SEC31B: variants seen among roughly 807,000 people sequenced by gnomAD.
SEC31B encodes SEC31 homolog B, COPII component.
SEC31B carries 113 observed loss-of-function variants against 135.0 expected under a neutral mutation model. The observed-to-expected ratio is 0.84, with a 90% confidence interval of 0.72 to 0.98. The LOEUF (loss-of-function observed/expected upper bound fraction) is 0.98. Among genes scored for constraint, SEC31B ranks in the 50% least tolerant of loss-of-function variants. The pLI, the probability that SEC31B is intolerant of heterozygous loss-of-function variation, is 0.00. For missense variants in SEC31B, 1,296 were observed against 1,421.1 expected (o/e 0.91, Z 1.42); for synonymous variants, 508 against 549.4 (o/e 0.92, Z 1.05).
intron 24 of SEC31B, 150 bp downstream of exon 24, chr10:100,488,708 C>A: frequency 8.9e-7 from 1 of 1,118,954 alleles, no homozygotes; most frequent in Non-Finnish European, 1.2e-6. Context: ...CTCTCCCCAG[C>A]TCCACATGGA....
intron 16 of SEC31B, 82 bp from the exon 17 acceptor site, chr10:100,497,362 C>T: frequency 6.3e-7 from 1 of 1,576,892 alleles, no homozygotes; most frequent in Non-Finnish European, 8.6e-7. Flanking sequence ...GGGAGAGGAC[C>T]ATGAGCCTGG....
intron 1 of SEC31B, 130 bp from the exon 2 acceptor site, chr10:100,517,127 T>C: frequency 3.4e-6 from 2 of 596,788 alleles, no homozygotes; most frequent in South Asian, 2.0e-5. Context: ...TACATGACCA[T>C]CTGCAGATCT....
chr10:100,499,189 T>A lies in SEC31B; in HGVS notation c.1555A>T (p.Ser519Cys). Residue 519 changes from serine to cysteine, a missense_variant, in exon 13 of 26, where the codon AGT becomes TGT. By Grantham distance (112) the Ser-to-Cys change is moderately radical (BLOSUM62 -1). Transcript: ENST00000370345. ...CTGCAGAAGGCCTGTTGTCTGTCACTGTTGAGGTCATTTCCCTTGGGCTGA... is the reference window on the plus strand; with the variant it reads ...CTGCAGAAGGCCTGTTGTCTGTCACAGTTGAGGTCATTTCCCTTGGGCTGA... Reference protein sequence around the residue: ...SPQPKGNDLNSDRQQAFCSQA... With the variant: ...SPQPKGNDLNCDRQQAFCSQA... 6.2e-7 allele frequency: 1 copy of A among 1,614,112 alleles called. No homozygotes were observed. Among genetic ancestry groups the A allele is most frequent in the East Asian group, 2.2e-5 (1 of 44,884 alleles).
At chr10:100,491,229 G>A (rs1003619462) in intron 19 of SEC31B, among the ~76,000 whole-genome samples, 8 of 152,070 alleles carry the variant, frequency 5.3e-5, no homozygotes, top group Non-Finnish European at 1.2e-4. Flanking sequence ...AGAAGATCTG[G>A]ATAGTCCTAT....
intron 9 of SEC31B, 81 bp downstream of exon 9, chr10:100,505,959 C>T (rs1015653389): frequency 1.3e-5 from 20 of 1,589,290 alleles, no homozygotes; most frequent in Non-Finnish European, 1.7e-5. Flanking sequence ...TCCAATATCT[C>T]CGCTTCTCAA....
chr10:100,503,456 G>A (rs1032943726), intron 10 of SEC31B, among the ~76,000 whole-genome samples: 1 of 148,612 alleles, frequency 6.7e-6, no homozygotes. Flanking sequence ...TTTTTGAGAT[G>A]GAGTTTTGTT....
intron 19 of SEC31B, among the ~76,000 whole-genome samples, chr10:100,493,095 C>A (rs1043429857): frequency 2.0e-5 from 3 of 152,192 alleles, no homozygotes; most frequent in Non-Finnish European, 4.4e-5. Flanking sequence ...AAACTGGGGC[C>A]GGGCGCGGTG....
chr10:100,504,256 C>T (rs922214431), intron 10 of SEC31B, among the ~76,000 whole-genome samples: 6 of 152,206 alleles, frequency 3.9e-5, no homozygotes, highest in Non-Finnish European at 8.8e-5. Flanking sequence ...TTTTTAAGCT[C>T]ACAGCCTATT....
At chr10:100,506,273 C>A in intron 8 of SEC31B, 48 bp downstream of exon 8, 1 of 1,614,128 alleles carries the variant, frequency 6.2e-7, no homozygotes, top group Non-Finnish European at 8.5e-7. Context: ...TGAGATTCTT[C>A]TACCCTCTCT....
At chr10:100,505,814 A>G (rs1056115954) in intron 9 of SEC31B, 8 of 1,454,642 alleles carry the variant, frequency 5.5e-6, no homozygotes, top group Non-Finnish European at 7.2e-6. Context: ...CTGAAATACT[A>G]CAGGGCCCAT....
chr10:100,517,476 C>T (rs912201834), intron 1 of SEC31B, among the ~76,000 whole-genome samples: 1 of 152,342 alleles, frequency 6.6e-6, no homozygotes, highest in African/African-American at 2.4e-5. Flanking sequence ...ATTCTCCTGC[C>T]TCAGCCTCCC....
In SEC31B at chr10:100,490,202, C is replaced by A; in HGVS notation, c.2771G>T (p.Arg924Leu). ...PLPMACPGIM[R>L]PGSTSLPETP... The stretch of plus-strand genomic sequence containing the variant: ...CTCAGGCAGGGAGGTAGAGCCAGGT[C>A]GCATGATGCCTGGGCATGCCATGGG... Residue 924 changes from arginine (R) to leucine (L), a missense_variant, in exon 21 of 26, where the codon CGA (arginine) becomes CTA (leucine). Arg to Leu is a moderately radical substitution (Grantham distance 102). Coordinates refer to ENST00000370345, the MANE Select transcript of SEC31B (RefSeq NM_015490.4). The A allele has an allele frequency of 1.2e-6, 2 of 1,610,344 alleles. No homozygotes were observed. The highest frequency in any genetic ancestry group is 1.7e-6 in the Non-Finnish European group (2 of 1,178,352).
intron 1 of SEC31B, among the ~76,000 whole-genome samples, chr10:100,519,080 T>A (rs1851900484): frequency 6.6e-6 from 1 of 152,238 alleles, no homozygotes; most frequent in African/African-American, 2.4e-5. Flanking sequence ...TATCCCCATT[T>A]TCTAGAGATG....
At chr10:100,488,258 G>A (rs536344894) in intron 24 of SEC31B, among the ~76,000 whole-genome samples, 160 bp from the exon 25 acceptor site, 1 of 152,100 alleles carries the variant, frequency 6.6e-6, no homozygotes, top group Admixed American at 6.5e-5. Flanking sequence ...AGGAGATGGA[G>A]ACCATCCTGG....
rs1404397278 is a variant in SEC31B at position 100,516,205 on chromosome 10, G to A, written c.94C>T (p.Gln32Ter). 2.5e-6 allele frequency: 4 copies of A among 1,613,668 alleles called. No homozygotes were observed. The highest frequency in any genetic ancestry group is 3.4e-6 in the Non-Finnish European group (4 of 1,179,892). The change falls in exon 3 of 26, where the codon CAG becomes TAG. Residue 32 changes from glutamine (Q) to a stop codon, truncating the protein, a stop_gained. Coordinates refer to ENST00000370345, the MANE Select transcript of SEC31B (RefSeq NM_015490.4). LOFTEE classifies it high-confidence loss of function. ...TTTGTGCTGAAGGAGGAATCTAGCT[G>A]TTGGGCAGATGTTCCTAGGCACAAG... ...LYLATGTSAQ[Q>*]LDSSFSTNGT...
chr10:100,508,658 T>C (rs1851679144), intron 5 of SEC31B: 2 of 407,886 alleles, frequency 4.9e-6, no homozygotes, highest in Non-Finnish European at 9.3e-6. Context: ...CTACTCTTCC[T>C]CCCTCTTTGC....
intron 22 of SEC31B, 68 bp downstream of exon 22, chr10:100,489,635 C>T: frequency 6.2e-7 from 1 of 1,606,890 alleles, no homozygotes; most frequent in East Asian, 2.2e-5. Context: ...CTGACTGAAT[C>T]CTCCAAGGAA....
At chr10:100,508,090 C>T in intron 5 of SEC31B, 39 bp from the exon 6 acceptor site, 2 of 1,611,044 alleles carry the variant, frequency 1.2e-6, no homozygotes, top group Non-Finnish European at 1.7e-6. Flanking sequence ...CAACTTGTCA[C>T]CCCCTGGACA....
chr10:100,497,022 C>T lies in SEC31B; in HGVS notation c.2136+113G>A. 8 of 1,304,712 alleles carry T rather than the reference C, an allele frequency of 6.1e-6. No homozygotes were observed. The South Asian group carries it at 8.7e-5, about 14-fold the overall frequency. The allele number at this position is 1,304,712 out of a possible 1,614,324, so 80.8% of individuals were successfully genotyped here. A position where few individuals can be genotyped will look rare whatever the true frequency, so the allele number is the denominator to read the frequency against. On this transcript the variant is annotated intron_variant, in intron 17 of 25. Coordinates refer to ENST00000370345, the MANE Select transcript of SEC31B (RefSeq NM_015490.4). ...CAGGACCTTTCGCTCCTCCCTAACACCGTGGTTCCAGCCTGTCCCAGAAGA... is the reference window on the plus strand; with the variant it reads ...CAGGACCTTTCGCTCCTCCCTAACATCGTGGTTCCAGCCTGTCCCAGAAGA...
Sources: gnomAD v4.1 joint callset for allele counts (sites outside exome capture counted in the v4.1 genomes callset) on GRCh38, gnomAD v4.1.1 for gene constraint, MANE v1.5 for transcripts, NCBI Gene and HGNC (gene_info 2026-07-23, HGNC 2026-07-21) for gene names.